VPS13B: variants seen among roughly 807,000 people sequenced by gnomAD.
VPS13B encodes the protein intermembrane lipid transfer protein VPS13B.
In VPS13B, 285 loss-of-function variants were observed where a neutral mutation model predicts 426.4. The observed-to-expected ratio is 0.67, with a 90% CI of 0.61 to 0.74. VPS13B has a LOEUF of 0.74. Among genes scored for constraint, VPS13B ranks in the 30% least tolerant of loss-of-function variants. The probability of loss-of-function intolerance (pLI) is 0.00; values close to 1 mark genes in which losing one functional copy is unlikely to be tolerated. For synonymous variants in VPS13B, 1,676 were observed against 1,676.4 expected (o/e 1.00, Z 0.01); for missense variants, 4,537 against 4,782.6 (o/e 0.95, Z 1.51).
chr8:99,659,257 G>C (rs992455235), intron 34 of VPS13B, among the ~76,000 whole-genome samples: 1 of 151,882 alleles, frequency 6.6e-6, no homozygotes, highest in African/African-American at 2.4e-5. Flanking sequence ...TGCTTTTATT[G>C]TTTTGTTTAG....
chr8:99,794,638 G>A (rs547481923), intron 43 of VPS13B, among the ~76,000 whole-genome samples: 11 of 152,202 alleles, frequency 7.2e-5, no homozygotes, highest in African/African-American at 2.6e-4. Flanking sequence ...GCTTTCTGCT[G>A]GTAGAATTTT....
intron 30 of VPS13B, among the ~76,000 whole-genome samples, chr8:99,546,784 C>T (rs1053350540): frequency 3.3e-5 from 5 of 151,750 alleles, no homozygotes; most frequent in African/African-American, 9.7e-5. Flanking sequence ...TAATTAGAGA[C>T]ATAGTAATAA....
chr8:99,269,103 A>C (rs1356936976), intron 17 of VPS13B, among the ~76,000 whole-genome samples: 3 of 152,156 alleles, frequency 2.0e-5, no homozygotes, highest in African/African-American at 7.2e-5. Context: ...GCCACATGGA[A>C]CTGTGACTCA....
chr8:99,415,116 T>C (rs887364309), intron 21 of VPS13B, among the ~76,000 whole-genome samples: 1 of 151,980 alleles, frequency 6.6e-6, no homozygotes, highest in Non-Finnish European at 1.5e-5. Context: ...TTTTCATTCT[T>C]TTTTCTCTAA....
At chr8:99,829,397 AC>A (rs1440820086) in intron 51 of VPS13B, among the ~76,000 whole-genome samples, 1 of 152,128 alleles carries the variant, frequency 6.6e-6, no homozygotes, top group African/African-American at 2.4e-5. Context: ...GGCTATTGAT[AC>A]TTGTGTATGC....
intron 14 of VPS13B, among the ~76,000 whole-genome samples, chr8:99,150,845 T>C (rs544119577): frequency 4.2e-4 from 64 of 152,312 alleles, no homozygotes; most frequent in African/African-American, 1.3e-3. Flanking sequence ...GGCATATACA[T>C]CCACGTGCAC....
At chr8:99,633,838 T>TGTGTGTGTGTGTGTGC (rs758390407) in intron 33 of VPS13B, among the ~76,000 whole-genome samples, 3 of 151,254 alleles carry the variant, frequency 2.0e-5, no homozygotes, top group East Asian at 1.9e-4. Context: ...TGTGTGTGTG[T>TGTGTGTGTGTGTGTGC]GCGTGTTTTA....
chr8:99,447,199 C>T (rs1260711110), intron 23 of VPS13B, among the ~76,000 whole-genome samples: 2 of 152,150 alleles, frequency 1.3e-5, no homozygotes, highest in Middle Eastern at 3.2e-3. Context: ...CTTGAATTTA[C>T]TTCCAACATG....
chr8:99,414,786 C>T (rs112073603), intron 21 of VPS13B, among the ~76,000 whole-genome samples: 8,340 of 152,226 alleles, frequency 0.055, 263 homozygotes, highest in African/African-American at 0.089. Context: ...CCAAGAGATC[C>T]GATGTTAGTC....
At chr8:99,829,678 CT>C (rs1316716890) in intron 51 of VPS13B, among the ~76,000 whole-genome samples, 5 of 152,198 alleles carry the variant, frequency 3.3e-5, no homozygotes, top group Non-Finnish European at 7.3e-5. Context: ...AAGAGGCATT[CT>C]GGTTTTTGGA....
chr8:99,135,281 C>A lies in VPS13B; in HGVS notation c.1425+144C>A, dbSNP rs76890243. On this transcript the variant is annotated intron_variant, in intron 10 of 61. Coordinates refer to ENST00000357162, the MANE Select transcript of VPS13B (RefSeq NM_152564.5). ...CTTTACTATTTCTCCCTGTGTTTCA[C>A]CTGCCAGAAATTATAGATCTCAGGG... 19 of 1,299,570 alleles carry A rather than the reference C, an allele frequency of 1.5e-5. No homozygotes were observed. The East Asian group carries it at 4.0e-4, about 28-fold the overall frequency. 80.5% of individuals were successfully genotyped at this position (1,299,570 alleles called of 1,614,324 possible).
intron 34 of VPS13B, among the ~76,000 whole-genome samples, chr8:99,643,096 C>T (rs201512539): frequency 1.6e-4 from 24 of 152,160 alleles, no homozygotes; most frequent in Admixed American, 3.3e-4. Flanking sequence ...AAGCTTTTTG[C>T]CTGTTGAGAC....
chr8:99,265,784 A>G (rs1175759788), intron 17 of VPS13B, among the ~76,000 whole-genome samples: 10 of 152,062 alleles, frequency 6.6e-5, no homozygotes, highest in Admixed American at 1.3e-4. Context: ...TGCAGGATCT[A>G]TTTGCTTATT....
At chr8:99,065,270 A>G (rs1364714926) in intron 3 of VPS13B, among the ~76,000 whole-genome samples, 3 of 152,218 alleles carry the variant, frequency 2.0e-5, no homozygotes, top group African/African-American at 4.8e-5. Flanking sequence ...TCAGTAAAAT[A>G]CTGGCAAACC....
intron 36 of VPS13B, among the ~76,000 whole-genome samples, chr8:99,708,390 T>C (rs943477590): frequency 1.3e-5 from 2 of 152,164 alleles, no homozygotes; most frequent in African/African-American, 4.8e-5. Context: ...ACAATGGCCA[T>C]GTGTGAGTAG....
In VPS13B at chr8:99,517,727, A is replaced by G. The variant is rs568561939; in HGVS notation, c.4634-3172A>G. 1.2e-4 allele frequency among the ~76,000 whole-genome samples: 18 copies of G among 152,248 alleles called. No homozygotes were observed. In the South Asian group the frequency reaches 3.5e-3, roughly 30 times the overall value. On this transcript the variant is annotated intron_variant, in intron 29 of 61. Transcript: ENST00000357162. Reference sequence around the variant, plus strand: ...TCCTCATGAGGCTCAATTTTAAAAAATAGAGTTAAAGCAAGGAAGGAAGGC... The same window carrying G: ...TCCTCATGAGGCTCAATTTTAAAAAGTAGAGTTAAAGCAAGGAAGGAAGGC...
At chr8:99,030,045 C>A (rs577765943) in intron 2 of VPS13B, among the ~76,000 whole-genome samples, 1 of 151,130 alleles carries the variant, frequency 6.6e-6, no homozygotes, top group African/African-American at 2.4e-5. Flanking sequence ...ATATTTCTTC[C>A]GTGACTTGAG....
At chr8:99,204,436 G>T (rs1563601302) in intron 17 of VPS13B, among the ~76,000 whole-genome samples, 1 of 152,142 alleles carries the variant, frequency 6.6e-6, no homozygotes, top group Non-Finnish European at 1.5e-5. Flanking sequence ...TACCATTCAG[G>T]ACATAGGCAC....
At chr8:99,161,504 A>G (rs1811647757) in intron 15 of VPS13B, among the ~76,000 whole-genome samples, 1 of 152,192 alleles carries the variant, frequency 6.6e-6, no homozygotes, top group Non-Finnish European at 1.5e-5. Flanking sequence ...TAAAACTCAC[A>G]TTTCCAGTGT....
Sources: gnomAD v4.1 joint callset for allele counts (sites outside exome capture counted in the v4.1 genomes callset) on GRCh38, gnomAD v4.1.1 for gene constraint, MANE v1.5 for transcripts, NCBI Gene and HGNC (gene_info 2026-07-23, HGNC 2026-07-21) for gene names.